Variants in NWD2 observed in about 807,000 individuals in gnomAD.
The protein encoded by NWD2 is NACHT and WD repeat domain-containing protein 2.
NWD2 carries 37 observed loss-of-function variants against 132.7 expected under a neutral mutation model. The observed-to-expected ratio is 0.28, with a 90% confidence interval of 0.21 to 0.37. NWD2 has a LOEUF of 0.37. Ranked by LOEUF, NWD2 falls within the 10% of genes least tolerant of loss-of-function variation. The probability of loss-of-function intolerance (pLI) is 1.00; values close to 1 mark genes in which losing one functional copy is unlikely to be tolerated. For missense variants in NWD2, 1,592 were observed against 2,122.4 expected, an observed-to-expected ratio of 0.75 and a Z score of 4.91; for synonymous variants, 705 against 803.0, an observed-to-expected ratio of 0.88 and a Z score of 2.06.
intron 2 of NWD2, among the ~76,000 whole-genome samples, chr4:37,348,892 T>C (rs954426551): frequency 3.3e-5 from 5 of 151,556 alleles, no homozygotes; most frequent in African/African-American, 1.2e-4. Context: ...GTGCATGTGT[T>C]CTCATTGTTA....
chr4:37,290,468 G>A (rs1431898704), intron 1 of NWD2, among the ~76,000 whole-genome samples: 1 of 152,186 alleles, frequency 6.6e-6, no homozygotes. Flanking sequence ...TCACAGAAGT[G>A]CAGAGTGTTA....
chr4:37,414,002 A>G (rs1721213070), intron 3 of NWD2, among the ~76,000 whole-genome samples: 2 of 152,112 alleles, frequency 1.3e-5, no homozygotes, highest in African/African-American at 2.4e-5. Flanking sequence ...GGATAGCATT[A>G]GGAGAAATAC....
chr4:37,399,887 G>A (rs906836398), intron 3 of NWD2, among the ~76,000 whole-genome samples: 6 of 152,262 alleles, frequency 3.9e-5, no homozygotes, highest in East Asian at 1.9e-4. Flanking sequence ...GGAGAGGCCC[G>A]GTGTTTTAAC....
chr4:37,284,409 A>G (rs1718185434), intron 1 of NWD2, among the ~76,000 whole-genome samples: 4 of 152,204 alleles, frequency 2.6e-5, no homozygotes, highest in African/African-American at 9.6e-5. Context: ...TTGGAAGGGC[A>G]CAAACATTCA....
At chr4:37,292,416 C>T (rs1211648914) in intron 1 of NWD2, among the ~76,000 whole-genome samples, 1 of 152,172 alleles carries the variant, frequency 6.6e-6, no homozygotes, top group Admixed American at 6.5e-5. Context: ...GAGGCACCAT[C>T]TATGAAGCGG....
At chr4:37,356,562 GT>G (rs1719875207) in intron 3 of NWD2, 80 bp downstream of exon 3, 3 of 944,684 alleles carry the variant, frequency 3.2e-6, no homozygotes, top group Non-Finnish European at 4.8e-6. Context: ...TTCATAAGGG[GT>G]TTTTTAAATG....
chr4:37,336,952 G>GAAAAAAAAA (rs11371327), intron 2 of NWD2, among the ~76,000 whole-genome samples: 4 of 118,992 alleles, frequency 3.4e-5, no homozygotes, highest in Non-Finnish European at 6.7e-5. Context: ...CTCAAAAAAA[G>GAAAAAAAAA]AAAAAAAAAA....
At chr4:37,406,284 G>A (rs1049732349) in intron 3 of NWD2, among the ~76,000 whole-genome samples, 3 of 152,096 alleles carry the variant, frequency 2.0e-5, no homozygotes, top group African/African-American at 4.8e-5. Context: ...CCAAGCATTG[G>A]CCTGTCTCAG....
chr4:37,316,703 A>G (rs923844495), intron 1 of NWD2, among the ~76,000 whole-genome samples: 8 of 152,172 alleles, frequency 5.3e-5, no homozygotes, highest in South Asian at 2.1e-4. Context: ...CTTGATTATA[A>G]TAGCTGATTT....
At chr4:37,423,139 T>C (rs1370894357) in intron 3 of NWD2, among the ~76,000 whole-genome samples, 3 of 152,228 alleles carry the variant, frequency 2.0e-5, no homozygotes, top group African/African-American at 7.2e-5. Context: ...CAACCCTGCA[T>C]ACAAGCGTGT....
chr4:37,437,617 GAAA>G (rs917872594), intron 5 of NWD2, among the ~76,000 whole-genome samples: 3 of 151,986 alleles, frequency 2.0e-5, no homozygotes, highest in Non-Finnish European at 4.4e-5. Flanking sequence ...TTACATGAAG[GAAA>G]GGGATGGTGA....
At chr4:37,273,896 C>T (rs1002683851) in intron 1 of NWD2, among the ~76,000 whole-genome samples, 4 of 151,836 alleles carry the variant, frequency 2.6e-5, no homozygotes, top group African/African-American at 7.3e-5. Context: ...AAAAAAGACA[C>T]AACATACCAG....
At chr4:37,310,626 G>T (rs1402982896) in intron 1 of NWD2, among the ~76,000 whole-genome samples, 7 of 151,822 alleles carry the variant, frequency 4.6e-5, no homozygotes, top group Non-Finnish European at 1.0e-4. Flanking sequence ...CTAGCTGTAG[G>T]GATTTTTTTT....
At chr4:37,435,999 G>C (rs537057978) in intron 5 of NWD2, among the ~76,000 whole-genome samples, 1 of 152,220 alleles carries the variant, frequency 6.6e-6, no homozygotes, top group South Asian at 2.1e-4. Flanking sequence ...TATTGTTTAT[G>C]TTTGAATGTA....
rs529000506 is a variant in NWD2 at position 37,298,329 on chromosome 4, T to G, written c.152-27607T>G. Among the ~76,000 whole-genome samples, 5 of 152,306 alleles carry G rather than the reference T, an allele frequency of 3.3e-5. No homozygotes were observed. The South Asian group carries it at 1.0e-3, about 32-fold the overall frequency. ...AGTCTTTGCCATGTCTGTTTGATTA[T>G]GGAGTGGCCTTGCTTATATTTGATT... On this transcript the variant is annotated intron_variant, in intron 1 of 6. Transcript: ENST00000309447.
At chr4:37,269,154 TA>T (rs755615430) in intron 1 of NWD2, among the ~76,000 whole-genome samples, 6 of 151,890 alleles carry the variant, frequency 4.0e-5, no homozygotes, top group Admixed American at 1.3e-4. Flanking sequence ...TTGTTTACAT[TA>T]AAGAACACAT....
chr4:37,301,970 T>C (rs1037990326), intron 1 of NWD2, among the ~76,000 whole-genome samples: 3 of 152,112 alleles, frequency 2.0e-5, no homozygotes, highest in African/African-American at 7.2e-5. Flanking sequence ...ATTCTTTGTT[T>C]TGGGAAATCC....
intron 4 of NWD2, 94 bp from the exon 5 acceptor site, chr4:37,433,782 A>T: frequency 1.1e-6 from 1 of 921,192 alleles, no homozygotes; most frequent in Non-Finnish European, 1.6e-6. Flanking sequence ...ATTGGCACAT[A>T]GTAGGCCTTC....
At chr4:37,272,388 G>T (rs1270725525) in intron 1 of NWD2, among the ~76,000 whole-genome samples, 1 of 151,678 alleles carries the variant, frequency 6.6e-6, no homozygotes, top group African/African-American at 2.4e-5. Flanking sequence ...ATTAATAGTT[G>T]ACAAAATATA....
Sources: gnomAD v4.1 joint callset for allele counts (sites outside exome capture counted in the v4.1 genomes callset) on GRCh38, gnomAD v4.1.1 for gene constraint, MANE v1.5 for transcripts, NCBI Gene and HGNC (gene_info 2026-07-23, HGNC 2026-07-21) for gene names.